Variants in SEC16B observed in about 807,000 individuals in gnomAD.
The protein encoded by SEC16B is SEC16 homolog B, endoplasmic reticulum export factor.
A neutral mutation model predicts 141.8 loss-of-function variants in SEC16B; 115 were observed. The ratio of observed to expected loss-of-function variants is 0.81; its 90% CI spans 0.70 to 0.95. The LOEUF is 0.95. Among genes scored for constraint, SEC16B ranks in the 40% least tolerant of loss-of-function variants. The pLI, the probability that SEC16B is intolerant of heterozygous loss-of-function variation, is 0.00. For synonymous variants in SEC16B, 493 were observed against 492.5 expected (o/e 1.00, Z -0.01); for missense variants, 1,291 against 1,312.3 (o/e 0.98, Z 0.25).
At position 177,933,484 on chromosome 1, in the gene SEC16B, C is replaced by T. The variant is rs761513538; in HGVS notation, c.2724G>A (p.Lys908=). 8 of 1,612,380 alleles carry T rather than the reference C, an allele frequency of 5.0e-6. No individual in the cohort carries two copies. The East Asian group carries it at 1.6e-4, about 31-fold the overall frequency. Residue 908 remains lysine, a splice_region_variant and synonymous_variant, in exon 21 of 26, where the codon AAG becomes AAA. Coordinates refer to ENST00000308284, the MANE Select transcript of SEC16B (RefSeq NM_033127.4). ...GKLGDGKEHT[K]SSGFGWFSWF... is the part of the protein sequence containing the mutation. ...GGGAGAGAAGAACAAGTCCCTCCAC[C>T]TTTGTATGCTCCTTCCCATCTCCGA...
Position 177,939,764 on chromosome 1 carries a change from C to A in SEC16B, c.2141G>T (p.Gly714Val), listed in dbSNP as rs1402945464. ...AGTAGGATGAGGATCCCCAATGTCTCCTGCTACCTTTTGCTATTTAAAATA... is the reference window on the plus strand; with the variant it reads ...AGTAGGATGAGGATCCCCAATGTCTACTGCTACCTTTTGCTATTTAAAATA... ...LRRQLEQKVA[G>V]DIGDPHPTRS... The change falls in exon 18 of 26, where the codon GGA (glycine) becomes GTA (valine). Residue 714 changes from glycine to valine, a missense_variant. Physicochemically the swap from Gly to Val is moderately radical, Grantham distance 109. Coordinates refer to ENST00000308284, the MANE Select transcript of SEC16B (RefSeq NM_033127.4). 3.8e-6 allele frequency: 6 copies of A among 1,588,324 alleles called. No individual in the cohort carries two copies. The African/African-American group carries it at 8.1e-5, about 21-fold the overall frequency.
Position 177,936,299 on chromosome 1 carries a change from T to G in SEC16B, c.2570A>C (p.Gln857Pro), listed in dbSNP as rs756250470. The G allele has an allele frequency of 6.2e-7, 1 of 1,608,836 alleles. No homozygotes were observed. ...PDGQEVISKPQTPLAARPRSI... is the reference protein window; with the variant it reads ...PDGQEVISKPPTPLAARPRSI... ...ATCTTTTATGCTGTGCGCTCTCACC[T>G]GTGGTTTGGAAATGACCTCTTGGCC... Residue 857 changes from glutamine (Q) to proline (P), a missense_variant and splice_region_variant, in exon 20 of 26, where the codon CAG (glutamine) becomes CCG (proline). Around this residue, in one of 3 missense-constraint regions of SEC16B, gnomAD observed 605 missense variants for 614.1 expected, o/e 0.99. Coordinates refer to ENST00000308284, the MANE Select transcript of SEC16B (RefSeq NM_033127.4).
At chr1:177,945,444 C>CA (rs1477023148) in intron 14 of SEC16B, 5 of 152,236 alleles carry the variant, frequency 3.3e-5, no homozygotes, top group African/African-American at 1.2e-4. Context: ...ACATTTGGCA[C>CA]AGAAGGGATT....
intron 12 of SEC16B, among the ~76,000 whole-genome samples, chr1:177,949,079 C>G (rs1651964974): frequency 6.6e-6 from 1 of 152,110 alleles, no homozygotes. Context: ...TTCATAATTA[C>G]TTGGTCTTTG....
At chr1:177,943,617 A>G (rs1398114572) in intron 15 of SEC16B, among the ~76,000 whole-genome samples, 1 of 152,206 alleles carries the variant, frequency 6.6e-6, no homozygotes, top group Admixed American at 6.5e-5. Context: ...GAAGATAACT[A>G]AGGTAGGAAG....
chr1:177,980,200 G>A (rs1654347826), intron 1 of SEC16B, among the ~76,000 whole-genome samples: 1 of 152,130 alleles, frequency 6.6e-6, no homozygotes, highest in Non-Finnish European at 1.5e-5. Context: ...GTGACACCAT[G>A]TCCTAGTGCT....
chr1:177,960,233 G>A, intron 8 of SEC16B, 109 bp downstream of exon 8: 1 of 754,986 alleles, frequency 1.3e-6, no homozygotes. Context: ...AACAAGGACA[G>A]ATATTTTTTT....
In SEC16B at chr1:177,933,253, G is replaced by A. The variant is rs3813647; in HGVS notation, c.2784C>T (p.Pro928=). ...TGTCTGAGGAGTCCTCGTCTCCAGCGGGGGATGCGTTCTTGGTGGGCTTCG... is the reference window on the plus strand; with the variant it reads ...TGTCTGAGGAGTCCTCGTCTCCAGCAGGGGATGCGTTCTTGGTGGGCTTCG... ...FRSKPTKNAS[P]AGDEDSSDSP... is the part of the protein sequence containing the mutation. Residue 928 remains proline, a synonymous_variant, in exon 22 of 26, where the codon CCC becomes CCT. Coordinates refer to ENST00000308284, the MANE Select transcript of SEC16B (RefSeq NM_033127.4). 258,446 of 1,597,100 alleles carry A rather than the reference G, an allele frequency of 0.16. 22,292 individuals carry two copies. Among genetic ancestry groups the A allele is most frequent in the Middle Eastern group, 0.24 (1,453 of 6,040 alleles).
rs1203932751 is a variant in SEC16B, at chr1:177,961,217, C to T, written c.788-278G>A. ...CAGTGATGCTGAGAGGCCAAGGAGTCTCTGGCTTTCATGGCCTCTATACTC... is the reference window on the plus strand; with the variant it reads ...CAGTGATGCTGAGAGGCCAAGGAGTTTCTGGCTTTCATGGCCTCTATACTC... On this transcript the variant is annotated intron_variant, in intron 6 of 25. Coordinates refer to ENST00000308284, the MANE Select transcript of SEC16B (RefSeq NM_033127.4). 42 of 459,634 alleles carry T rather than the reference C, an allele frequency of 9.1e-5. No homozygotes were observed. In the Admixed American group the frequency reaches 1.6e-3, roughly 18 times the overall value. 28.5% of individuals were successfully genotyped at this position (459,634 alleles called of 1,614,324 possible).
rs974549481 is a variant in SEC16B, at chr1:177,967,682, C to G, written c.299+1G>C. On this transcript the variant is annotated splice_donor_variant, in intron 2 of 25. Transcript: ENST00000308284. LOFTEE classifies it high-confidence loss of function. ...ATTCATTCCAAGCCCTAAAGCCATA[C>G]CTTGAATACAACTGATTGCGATAAC... is the stretch of plus-strand genomic sequence containing the variant. 3 of 1,587,166 alleles carry G rather than the reference C, an allele frequency of 1.9e-6. No homozygotes were observed. Among genetic ancestry groups the G allele is most frequent in the African/African-American group, 2.7e-5 (2 of 74,422 alleles).
chr1:177,942,956 TA>T (rs1557972671), intron 15 of SEC16B, among the ~76,000 whole-genome samples: 1 of 152,126 alleles, frequency 6.6e-6, no homozygotes, highest in Non-Finnish European at 1.5e-5. Flanking sequence ...ATAATTCAGG[TA>T]AAGTACTGAG....
chr1:177,965,142 G>C lies in SEC16B; in HGVS notation c.438C>G (p.Ile146Met). The C allele has an allele frequency of 6.2e-7, 1 of 1,613,540 alleles. No homozygotes were observed. Among genetic ancestry groups the C allele is most frequent in the Non-Finnish European group, 8.5e-7 (1 of 1,179,718 alleles). The change falls in exon 4 of 26, where the codon ATC becomes ATG. Residue 146 changes from isoleucine to methionine, a missense_variant. By Grantham distance (10) the Ile-to-Met change is conservative. Coordinates refer to ENST00000308284, the MANE Select transcript of SEC16B (RefSeq NM_033127.4). The part of the protein sequence containing the change: ...ERVPRQRSPY[I>M]WHEDYREQKY... The stretch of plus-strand genomic sequence containing the variant: ...TTTGCTCTCGGTAATCTTCGTGCCA[G>C]ATATAAGGACTCCGTTGCCTTGGCA...
At chr1:177,945,249 G>A (rs1395348272) in intron 14 of SEC16B, 1 of 152,282 alleles carries the variant, frequency 6.6e-6, no homozygotes, top group African/African-American at 2.4e-5. Flanking sequence ...GTTGGGGCAG[G>A]TGGTGGGCAC....
chr1:177,955,622 G>A (rs1015970047), intron 10 of SEC16B, among the ~76,000 whole-genome samples: 7 of 152,050 alleles, frequency 4.6e-5, no homozygotes, highest in East Asian at 1.9e-4. Flanking sequence ...GATTACAGGC[G>A]TGAGCCACCA....
intron 3 of SEC16B, 116 bp from the exon 4 acceptor site, chr1:177,965,283 T>C (rs1002624900): frequency 1.5e-6 from 2 of 1,300,200 alleles, no homozygotes; most frequent in Non-Finnish European, 1.0e-6. Context: ...TAAAAACATA[T>C]TTTCCAAATT....
chr1:177,964,340 C>T, intron 4 of SEC16B, 61 bp from the exon 5 acceptor site: 1 of 1,249,934 alleles, frequency 8.0e-7, no homozygotes. Context: ...GGCTGAGGCA[C>T]TCTCCGCCGG....
At position 177,944,726 on chromosome 1, in the gene SEC16B, C is replaced by A. The variant is rs566838800; in HGVS notation, c.1776-60G>T. ...GTGTGGGGGACGCAGGAGTTAAATC[C>A]TAGTGGCTCTCCAAACACCAGCTGC... is the stretch of plus-strand genomic sequence containing the variant. On this transcript the variant is annotated intron_variant, in intron 14 of 25. Coordinates refer to ENST00000308284, the MANE Select transcript of SEC16B (RefSeq NM_033127.4). 4 of 1,370,296 alleles carry A rather than the reference C, an allele frequency of 2.9e-6. No homozygotes were observed. The East Asian group carries it at 9.3e-5, about 32-fold the overall frequency. 84.9% of individuals were successfully genotyped at this position (1,370,296 alleles called of 1,614,324 possible).
Position 177,932,537 on chromosome 1 carries a change from C to G in SEC16B, c.2965G>C (p.Gly989Arg), listed in dbSNP as rs781588591. The G allele has an allele frequency of 1.3e-6, 2 of 1,561,218 alleles. No homozygotes were observed. Among genetic ancestry groups the G allele is most frequent in the East Asian group, 2.4e-5 (1 of 41,206 alleles). The change falls in exon 24 of 26, where the codon GGG becomes CGG. Residue 989 changes from glycine to arginine, a missense_variant. Transcript: ENST00000308284. ...ACCCCAGCGCCCGCAGCTGCTCCCC[C>G]GCTGGATGCGGATCCTCGGCCTTCA... Reference protein sequence around the residue: ...GGEGRGSASSGGAAAGAGVGG... With the variant: ...GGEGRGSASSRGAAAGAGVGG...
chr1:177,978,747 C>T (rs200787218), intron 1 of SEC16B, among the ~76,000 whole-genome samples: 1 of 126,318 alleles, frequency 7.9e-6, no homozygotes, highest in Admixed American at 7.8e-5. Context: ...AAATAAATAG[C>T]ATAGCAGAAA....
Sources: allele counts gnomAD v4.1 joint callset (sites outside exome capture counted in the v4.1 genomes callset), GRCh38; gene constraint gnomAD v4.1.1; regional missense constraint gnomAD v4.1.1; transcripts MANE v1.5; gene names NCBI Gene and HGNC (gene_info 2026-07-23, HGNC 2026-07-21).